NAV2: variants seen among roughly 807,000 people sequenced by gnomAD.
NAV2 encodes helicase, APC down-regulated 1.
NAV2 carries 54 observed loss-of-function variants against 223.2 expected under a neutral mutation model. The observed-to-expected ratio is 0.24, with a 90% confidence interval of 0.19 to 0.30. The LOEUF is 0.30. Ranked by LOEUF, NAV2 falls within the 10% of genes least tolerant of loss-of-function variation. The pLI, the probability that NAV2 is intolerant of heterozygous loss-of-function variation, is 1.00. For synonymous variants in NAV2, 1,279 were observed against 1,239.3 expected, an observed-to-expected ratio of 1.03 and a Z score of -0.67; for missense variants, 2,806 against 3,147.5, an observed-to-expected ratio of 0.89 and a Z score of 2.60.
At chr11:19,940,181 A>G (rs2153322500) in intron 8 of NAV2, among the ~76,000 whole-genome samples, 1 of 152,256 alleles carries the variant, frequency 6.6e-6, no homozygotes, top group African/African-American at 2.4e-5. Flanking sequence ...GGAAGCACTG[A>G]TTTAAAATAT....
chr11:19,741,567 C>T (rs986255725), intron 1 of NAV2, among the ~76,000 whole-genome samples: 4 of 146,194 alleles, frequency 2.7e-5, no homozygotes, highest in Non-Finnish European at 5.9e-5. Context: ...TGTGTCTGGG[C>T]TTATTTCACT....
At chr11:19,724,778 A>G (rs1315683078) in intron 1 of NAV2, among the ~76,000 whole-genome samples, 1 of 152,206 alleles carries the variant, frequency 6.6e-6, no homozygotes, top group African/African-American at 2.4e-5. Flanking sequence ...GGGACTGTCT[A>G]ATTTCAAGTC....
At chr11:19,748,593 G>T (rs920382787) in intron 1 of NAV2, among the ~76,000 whole-genome samples, 1 of 152,222 alleles carries the variant, frequency 6.6e-6, no homozygotes, top group Non-Finnish European at 1.5e-5. Flanking sequence ...GCCTAGCATG[G>T]TGCCTGGCAC....
intron 22 of NAV2, among the ~76,000 whole-genome samples, chr11:20,072,753 T>C (rs544333722): frequency 2.6e-5 from 4 of 152,340 alleles, no homozygotes; most frequent in Non-Finnish European, 4.4e-5. Flanking sequence ...TATTGGCGTA[T>C]AGGAATGCTT....
At chr11:19,887,120 C>G (rs1327277879) in intron 5 of NAV2, among the ~76,000 whole-genome samples, 1 of 152,124 alleles carries the variant, frequency 6.6e-6, no homozygotes, top group Non-Finnish European at 1.5e-5. Context: ...GGCCACCTCC[C>G]CTGGAGCTCT....
At chr11:19,918,567 A>G (rs796182602) in intron 6 of NAV2, among the ~76,000 whole-genome samples, 11 of 152,114 alleles carry the variant, frequency 7.2e-5, no homozygotes, top group African/African-American at 2.7e-4. Context: ...TATATGTCCC[A>G]TTTTTCATTA....
intron 1 of NAV2, among the ~76,000 whole-genome samples, chr11:19,738,332 A>T (rs2052505925): frequency 6.6e-6 from 1 of 152,230 alleles, no homozygotes; most frequent in African/African-American, 2.4e-5. Flanking sequence ...TCTGCTGAAG[A>T]CCCAGCAGGA....
At chr11:20,025,278 T>C (rs958977858) in intron 11 of NAV2, among the ~76,000 whole-genome samples, 1 of 152,258 alleles carries the variant, frequency 6.6e-6, no homozygotes, top group African/African-American at 2.4e-5. Flanking sequence ...TTAAAACTTT[T>C]CACCTTGTAT....
rs1316673294 is a variant in NAV2, at chr11:20,120,408, CA to C, written c.*2151del. On this transcript the variant is annotated 3_prime_UTR_variant, in exon 38 of 38. Transcript: ENST00000349880. ...TTAAACCATATATTTAGCCTGTGAC[CA>C]GGGGGGCCAAACCCTAAGATTTCTG... 6.6e-6 allele frequency: 1 copy of C among 152,486 alleles called. No individual in the cohort carries two copies. The highest frequency in any genetic ancestry group is 2.4e-5 in the African/African-American group (1 of 41,406). 9.4% of individuals were successfully genotyped at this position (152,486 alleles called of 1,614,324 possible). A position where few individuals can be genotyped will look rare whatever the true frequency, so the allele number is the denominator to read the frequency against.
At chr11:19,804,155 G>A (rs2058421360) in intron 1 of NAV2, among the ~76,000 whole-genome samples, 1 of 152,166 alleles carries the variant, frequency 6.6e-6, no homozygotes, top group Admixed American at 6.5e-5. Flanking sequence ...CTGCAGATTT[G>A]TAGGGTCATC....
intron 1 of NAV2, among the ~76,000 whole-genome samples, chr11:19,801,412 A>T (rs2058246957): frequency 6.6e-6 from 1 of 152,162 alleles, no homozygotes; most frequent in Non-Finnish European, 1.5e-5. Context: ...TGTCCTCTCC[A>T]AGCCCAGCAT....
chr11:19,378,144 G>A (rs1047551460), intron 1 of NAV2, among the ~76,000 whole-genome samples: 6 of 152,128 alleles, frequency 3.9e-5, no homozygotes, highest in East Asian at 1.9e-4. Context: ...GAAGTGATGC[G>A]TACCGCAAAC....
intron 11 of NAV2, chr11:20,022,829 T>A (rs1003261157): frequency 3.2e-6 from 4 of 1,269,198 alleles, no homozygotes; most frequent in Non-Finnish European, 4.0e-6. Flanking sequence ...TAGCTTTTGC[T>A]TTGCTGAAAC....
rs1481054716 is a variant in NAV2, at chr11:19,515,319, C to T, written c.75+164292C>T. 2.6e-5 allele frequency among the ~76,000 whole-genome samples: 4 copies of T among 152,206 alleles called. No homozygotes were observed. In the South Asian group the frequency reaches 6.2e-4, roughly 24 times the overall value. On this transcript the variant is annotated intron_variant, in intron 1 of 37. Transcript: ENST00000360655. ...TTTCCATCTATAAAATGGGGGTTCA[C>T]AGCACTTACAGCTCAAATATTATAT... is the stretch of plus-strand genomic sequence containing the variant.
At chr11:19,685,121 C>G (rs927892628) in intron 1 of NAV2, among the ~76,000 whole-genome samples, 2 of 152,206 alleles carry the variant, frequency 1.3e-5, no homozygotes, top group African/African-American at 4.8e-5. Flanking sequence ...TGATCCCACC[C>G]TGGGCCAGCC....
intron 1 of NAV2, among the ~76,000 whole-genome samples, chr11:19,491,756 T>G (rs1164135129): frequency 6.6e-6 from 1 of 152,238 alleles, no homozygotes; most frequent in African/African-American, 2.4e-5. Flanking sequence ...ACAATTTGGC[T>G]GTTTTGTGCA....
At chr11:19,547,309 T>C (rs2044532104) in intron 1 of NAV2, among the ~76,000 whole-genome samples, 2 of 152,328 alleles carry the variant, frequency 1.3e-5, no homozygotes, top group African/African-American at 4.8e-5. Context: ...CTGGAAACAC[T>C]TGGGTTCCTC....
At chr11:19,895,709 G>T (rs1279723464) in intron 6 of NAV2, among the ~76,000 whole-genome samples, 1 of 152,130 alleles carries the variant, frequency 6.6e-6, no homozygotes, top group Non-Finnish European at 1.5e-5. Flanking sequence ...TCCTACCCTG[G>T]GCTGTCCCAG....
chr11:19,346,168 G>T (rs1852994901), upstream of NAV2, among the ~76,000 whole-genome samples: 1 of 152,120 alleles, frequency 6.6e-6, no homozygotes, highest in Non-Finnish European at 1.5e-5. Context: ...CTGTGGAGGC[G>T]TGCTTCCTCG....
Sources: allele counts gnomAD v4.1 joint callset (sites outside exome capture counted in the v4.1 genomes callset), GRCh38; gene constraint gnomAD v4.1.1; transcripts MANE v1.5; gene names NCBI Gene and HGNC (gene_info 2026-07-23, HGNC 2026-07-21).